Variants in APOLD1 observed in about 807,000 individuals in gnomAD.
APOLD1 encodes apolipoprotein L domain-containing protein 1.
In APOLD1, 22 loss-of-function variants were observed where a neutral mutation model predicts 15.3. That is an observed-to-expected ratio of 1.44 (90% CI 1.03 to 2.05). The LOEUF is 2.05. Among genes scored for constraint, APOLD1 ranks in the 30% most tolerant of loss-of-function variants. The probability of loss-of-function intolerance (pLI) is 0.00; values close to 1 mark genes in which losing one functional copy is unlikely to be tolerated. For synonymous variants in APOLD1, 190 were observed against 167.4 expected (o/e 1.13, Z -1.04); for missense variants, 394 against 353.5 (o/e 1.11, Z -0.92).
chr12:12,745,898 G>A (rs957959333), intron 1 of APOLD1, among the ~76,000 whole-genome samples: 1 of 152,132 alleles, frequency 6.6e-6, no homozygotes, highest in Non-Finnish European at 1.5e-5. Context: ...GCAAGAAGAA[G>A]CTGCACTCCA....
At chr12:12,737,491 T>C (rs185139183) in intron 1 of APOLD1, among the ~76,000 whole-genome samples, 2 of 152,352 alleles carry the variant, frequency 1.3e-5, no homozygotes, top group East Asian at 3.9e-4. Flanking sequence ...TATTAGTCTT[T>C]TATATTTCTC....
intron 1 of APOLD1, among the ~76,000 whole-genome samples, chr12:12,729,860 A>G (rs1483745590): frequency 6.6e-6 from 1 of 152,036 alleles, no homozygotes; most frequent in Non-Finnish European, 1.5e-5. Flanking sequence ...AAAAAAGAAT[A>G]TACAACTACT....
At chr12:12,750,143 C>T (rs1265197349) in intron 1 of APOLD1, among the ~76,000 whole-genome samples, 2 of 152,034 alleles carry the variant, frequency 1.3e-5, no homozygotes, top group African/African-American at 2.4e-5. Context: ...GAGGCCGAGG[C>T]GGGCGGATCA....
At chr12:12,726,173 A>G (rs1489080168) in intron 1 of APOLD1, 3 of 966,762 alleles carry the variant, frequency 3.1e-6, no homozygotes, top group Admixed American at 3.3e-5. Flanking sequence ...AAAAAAAAAA[A>G]AAAAAAAGAG....
chr12:12,759,231 T>C (rs914892215), intron 1 of APOLD1, among the ~76,000 whole-genome samples: 4 of 152,178 alleles, frequency 2.6e-5, no homozygotes, highest in Non-Finnish European at 2.9e-5. Flanking sequence ...AGGGAAACCA[T>C]AGAGAAAGGG....
At chr12:12,743,495 G>A (rs938395034) in intron 1 of APOLD1, among the ~76,000 whole-genome samples, 1 of 152,116 alleles carries the variant, frequency 6.6e-6, no homozygotes, top group African/African-American at 2.4e-5. Flanking sequence ...TTCCATCTGT[G>A]GTCAGAGGAA....
intron 1 of APOLD1, among the ~76,000 whole-genome samples, chr12:12,764,253 G>A (rs1437086029): frequency 1.3e-5 from 2 of 152,148 alleles, no homozygotes; most frequent in Admixed American, 6.5e-5. Context: ...ATGAGCCACC[G>A]TGTCTGGCTA....
At position 12,745,791 on chromosome 12, in the gene APOLD1, G is replaced by C. The variant is rs1457904095; in HGVS notation, c.96+19695G>C. Reference sequence around the variant, plus strand: ...TTCAGGTGGGAAGGGGGAGGAAAAAGGGAAGCAAAAGGCAAGGAAAATGCC... The same window carrying C: ...TTCAGGTGGGAAGGGGGAGGAAAAACGGAAGCAAAAGGCAAGGAAAATGCC... On this transcript the variant is annotated intron_variant, in intron 1 of 1. Coordinates refer to the APOLD1 transcript ENST00000326765. 2.0e-5 allele frequency among the ~76,000 whole-genome samples: 3 copies of C among 152,050 alleles called. No homozygotes were observed. The East Asian group carries it at 5.8e-4, about 29-fold the overall frequency.
chr12:12,783,816 T>G (rs1028063213), upstream of APOLD1, among the ~76,000 whole-genome samples: 1 of 151,650 alleles, frequency 6.6e-6, no homozygotes, highest in Admixed American at 6.6e-5. Context: ...AAATTTTTTG[T>G]AAAGATGGGG....
At chr12:12,729,462 G>A (rs980214940) in intron 1 of APOLD1, among the ~76,000 whole-genome samples, 7 of 151,728 alleles carry the variant, frequency 4.6e-5, no homozygotes, top group African/African-American at 1.2e-4. Flanking sequence ...ATCTCTCTAC[G>A]TTGCCTAGGC....
chr12:12,728,048 G>C (rs1298598106), intron 1 of APOLD1, among the ~76,000 whole-genome samples: 1 of 151,940 alleles, frequency 6.6e-6, no homozygotes, highest in Non-Finnish European at 1.5e-5. Flanking sequence ...GCTCACTGCA[G>C]CCTCAAGCTC....
intron 1 of APOLD1, among the ~76,000 whole-genome samples, chr12:12,728,850 G>C (rs910413088): frequency 3.9e-5 from 6 of 152,188 alleles, no homozygotes; most frequent in Admixed American, 3.9e-4. Flanking sequence ...AGACAGAGCA[G>C]TATGCTCATT....
intron 1 of APOLD1, among the ~76,000 whole-genome samples, chr12:12,768,280 T>C (rs1385969232): frequency 6.6e-6 from 1 of 152,052 alleles, no homozygotes; most frequent in African/African-American, 2.4e-5. Context: ...TTGCACCACA[T>C]TGTGTAGGTC....
intron 1 of APOLD1, among the ~76,000 whole-genome samples, chr12:12,742,730 C>T (rs1177336402): frequency 1.3e-5 from 2 of 150,176 alleles, no homozygotes; most frequent in East Asian, 2.0e-4. Flanking sequence ...CGCCACTGCA[C>T]TCCAGCCTGG....
At chr12:12,785,798 G>T in intron 1 of APOLD1, 104 bp downstream of exon 1, 6 of 1,112,490 alleles carry the variant, frequency 5.4e-6, no homozygotes, top group Non-Finnish European at 6.9e-6. Flanking sequence ...AAGCATGGAA[G>T]TAAAATTAAG....
intron 1 of APOLD1, among the ~76,000 whole-genome samples, chr12:12,777,889 GTT>G (rs71436735): frequency 5.2e-4 from 61 of 117,072 alleles, no homozygotes; most frequent in Middle Eastern, 4.1e-3. Context: ...AAGGAAAGGT[GTT>G]TTTTTTTTTT....
At chr12:12,786,321 G>A (rs1401657332) in intron 1 of APOLD1, among the ~76,000 whole-genome samples, 1 of 152,170 alleles carries the variant, frequency 6.6e-6, no homozygotes, top group Middle Eastern at 3.2e-3. Flanking sequence ...TCTAAGAAAA[G>A]AGCCTGGAAG....
In APOLD1 at chr12:12,789,068, G is replaced by A. The variant is rs1461623080; in HGVS notation, c.*1416G>A. The stretch of plus-strand genomic sequence containing the variant: ...ACCTTTGTCTATTATTACCTTCTCT[G>A]AAAAGTGCCAGTCCATGTATTTTTT... On this transcript the variant is annotated 3_prime_UTR_variant, in exon 2 of 2. Transcript: ENST00000356591. 6.6e-6 allele frequency: 1 copy of A among 152,186 alleles called. No homozygotes were observed. The highest frequency in any genetic ancestry group is 1.5e-5 in the Non-Finnish European group (1 of 68,026). The allele number at this position is 152,186 out of a possible 1,614,324, so 9.4% of individuals were successfully genotyped here. A position where few individuals can be genotyped will look rare whatever the true frequency, so the allele number is the denominator to read the frequency against.
intron 1 of APOLD1, chr12:12,726,313 GA>G (rs1946593176): frequency 1.5e-6 from 1 of 656,864 alleles, no homozygotes; most frequent in African/African-American, 1.8e-5. Context: ...TTTGCGGGAG[GA>G]ATATGTTAAA....
Sources: allele counts gnomAD v4.1 joint callset (sites outside exome capture counted in the v4.1 genomes callset), GRCh38; gene constraint gnomAD v4.1.1; transcripts MANE v1.5; gene names NCBI Gene and HGNC (gene_info 2026-07-23, HGNC 2026-07-21).